The following EXOC4 variants were observed in gnomAD, a reference collection of about 807,000 sequenced individuals.
The protein encoded by EXOC4 is exocyst complex component 4.
A neutral mutation model predicts 107.2 loss-of-function variants in EXOC4; 71 were observed. The observed-to-expected ratio is 0.66, with a 90% CI of 0.55 to 0.81. The LOEUF (loss-of-function observed/expected upper bound fraction) is 0.81, where lower values mean the gene tolerates loss of function less well. EXOC4 is among the 30% of genes least tolerant of loss of function. The probability of loss-of-function intolerance (pLI) is 0.00; values close to 1 mark genes in which losing one functional copy is unlikely to be tolerated. For synonymous variants in EXOC4, 456 were observed against 441.2 expected (o/e 1.03, Z -0.42); for missense variants, 1,108 against 1,189.6 (o/e 0.93, Z 1.01).
chr7:133,258,361 C>T (rs897438198), intron 1 of EXOC4, among the ~76,000 whole-genome samples: 1 of 152,100 alleles, frequency 6.6e-6, no homozygotes, highest in Admixed American at 6.5e-5. Flanking sequence ...TTTTTCAAGC[C>T]ATTATTTGTA....
chr7:133,807,952 A>G (rs1797117398), intron 10 of EXOC4, among the ~76,000 whole-genome samples: 1 of 152,206 alleles, frequency 6.6e-6, no homozygotes, highest in Admixed American at 6.5e-5. Context: ...AAATTTGTTT[A>G]TAAGCCTGCA....
chr7:133,669,971 T>G (rs568445104), intron 10 of EXOC4, among the ~76,000 whole-genome samples: 1 of 152,320 alleles, frequency 6.6e-6, no homozygotes, highest in African/African-American at 2.4e-5. Flanking sequence ...GGAAGTTCAT[T>G]TTCTTTTCAA....
At chr7:133,287,917 T>C (rs1429734027) in intron 2 of EXOC4, among the ~76,000 whole-genome samples, 1 of 152,200 alleles carries the variant, frequency 6.6e-6, no homozygotes, top group East Asian at 1.9e-4. Flanking sequence ...GTAGACTCTT[T>C]GCACTGATGG....
chr7:133,313,092 A>AT (rs967006037), intron 4 of EXOC4, among the ~76,000 whole-genome samples: 26 of 132,966 alleles, frequency 2.0e-4, no homozygotes, highest in African/African-American at 6.8e-4. Context: ...TCTTTTAAAG[A>AT]TTTTTTTTCT....
chr7:133,565,908 C>G (rs989601165), intron 9 of EXOC4, among the ~76,000 whole-genome samples: 8 of 152,142 alleles, frequency 5.3e-5, no homozygotes, highest in African/African-American at 1.9e-4. Context: ...TGTTGACAAT[C>G]ATTTACAAAT....
chr7:133,879,073 A>G (rs945456872), intron 11 of EXOC4, among the ~76,000 whole-genome samples: 3 of 151,960 alleles, frequency 2.0e-5, no homozygotes, highest in African/African-American at 7.3e-5. Flanking sequence ...TACTTGAATC[A>G]GTTGTTTTAT....
chr7:133,362,091 T>C (rs748477512), intron 6 of EXOC4, among the ~76,000 whole-genome samples: 25 of 152,182 alleles, frequency 1.6e-4, no homozygotes, highest in Non-Finnish European at 2.5e-4. Context: ...GACTTCATGA[T>C]GTTTCTGGGC....
intron 9 of EXOC4, among the ~76,000 whole-genome samples, chr7:133,535,389 A>G (rs1047262719): frequency 6.6e-6 from 1 of 152,222 alleles, no homozygotes; most frequent in African/African-American, 2.4e-5. Flanking sequence ...ATGATGCTAG[A>G]TAATTATGAG....
chr7:133,857,322 C>T (rs1016884339), intron 11 of EXOC4, among the ~76,000 whole-genome samples: 1 of 2,448 alleles, frequency 4.1e-4, no homozygotes, highest in Non-Finnish European at 6.7e-4. Flanking sequence ...TATATATATA[C>T]ACGTATATAT....
In EXOC4 at chr7:133,723,655, A is replaced by G. The variant is rs1333878110; in HGVS notation, c.1514+93514A>G. On this transcript the variant is annotated intron_variant, in intron 10 of 17. Transcript: ENST00000253861. Reference sequence around the variant, plus strand: ...CAGGCATATGTCATCATGCTCAGCTAATTTTTTGTATTTTTAGTAGAAACG... The same window carrying G: ...CAGGCATATGTCATCATGCTCAGCTGATTTTTTGTATTTTTAGTAGAAACG... Among the ~76,000 whole-genome samples the G allele has an allele frequency of 2.6e-5, 4 of 151,978 alleles. No homozygotes were observed. In the East Asian group the frequency reaches 5.8e-4, roughly 22 times the overall value.
intron 10 of EXOC4, among the ~76,000 whole-genome samples, chr7:133,635,501 A>C (rs1365248682): frequency 2.6e-5 from 4 of 152,212 alleles, no homozygotes; most frequent in Non-Finnish European, 4.4e-5. Context: ...AGAAAATCTA[A>C]ATGCTTGCAC....
intron 17 of EXOC4, chr7:134,010,373 T>A (rs1347742212): frequency 1.3e-5 from 2 of 152,202 alleles, no homozygotes; most frequent in South Asian, 4.1e-4. Context: ...AAAAAGCGTA[T>A]CTTCCTTGCA....
intron 10 of EXOC4, among the ~76,000 whole-genome samples, chr7:133,791,684 C>T (rs1240324436): frequency 6.6e-6 from 1 of 152,112 alleles, no homozygotes; most frequent in Non-Finnish European, 1.5e-5. Flanking sequence ...AAACTAGGTT[C>T]CCGAAAACTT....
intron 14 of EXOC4, among the ~76,000 whole-genome samples, chr7:133,946,963 TAG>T (rs932985457): frequency 3.3e-5 from 5 of 152,256 alleles, no homozygotes; most frequent in Non-Finnish European, 5.9e-5. Context: ...TATTAATTCA[TAG>T]AGTCTTTGTC....
Position 133,923,904 on chromosome 7 carries a change from A to G in EXOC4, c.2027+6166A>G, listed in dbSNP as rs779418443. ...TTTCCCCCTGCATCTGATATAAATGATAAGCTTTTACATTTTTATTTCCTC... is the reference window on the plus strand; with the variant it reads ...TTTCCCCCTGCATCTGATATAAATGGTAAGCTTTTACATTTTTATTTCCTC... On this transcript the variant is annotated intron_variant, in intron 13 of 17. Coordinates refer to ENST00000253861, the MANE Select transcript of EXOC4 (RefSeq NM_021807.4). Among the ~76,000 whole-genome samples, 5 of 152,152 alleles carry G rather than the reference A, an allele frequency of 3.3e-5. No individual in the cohort carries two copies. The East Asian group carries it at 5.8e-4, about 18-fold the overall frequency.
At chr7:133,679,530 A>ATCTG (rs1278249442) in intron 10 of EXOC4, among the ~76,000 whole-genome samples, 5 of 147,690 alleles carry the variant, frequency 3.4e-5, no homozygotes, top group African/African-American at 1.3e-4. Flanking sequence ...TGCCCCATCC[A>ATCTG]TCCGTCCGTC....
intron 9 of EXOC4, among the ~76,000 whole-genome samples, chr7:133,529,635 C>T (rs1800144053): frequency 6.6e-6 from 1 of 152,130 alleles, no homozygotes; most frequent in Non-Finnish European, 1.5e-5. Flanking sequence ...CTGGCTCCGT[C>T]ATCTCTCTGT....
chr7:133,553,916 G>T (rs1199577355), intron 9 of EXOC4, among the ~76,000 whole-genome samples: 1 of 152,076 alleles, frequency 6.6e-6, no homozygotes. Context: ...GTACTTTACC[G>T]ATCAGGGGAT....
At chr7:133,671,729 G>A (rs1281473573) in intron 10 of EXOC4, among the ~76,000 whole-genome samples, 11 of 152,160 alleles carry the variant, frequency 7.2e-5, no homozygotes, top group Admixed American at 5.2e-4. Context: ...TGGATGAAGT[G>A]TGAAGATTTG....
Sources: allele counts gnomAD v4.1 joint callset (sites outside exome capture counted in the v4.1 genomes callset), GRCh38; gene constraint gnomAD v4.1.1; transcripts MANE v1.5; gene names NCBI Gene and HGNC (gene_info 2026-07-23, HGNC 2026-07-21).